The following ATP10D variants were observed in gnomAD, a reference collection of about 807,000 sequenced individuals.
ATP10D encodes phospholipid-transporting ATPase VD.
A neutral mutation model predicts 144.8 loss-of-function variants in ATP10D; 89 were observed. The ratio of observed to expected loss-of-function variants is 0.61; its 90% CI spans 0.52 to 0.73. The LOEUF (loss-of-function observed/expected upper bound fraction) is 0.73. ATP10D is among the 30% of genes least tolerant of loss of function. The pLI, the probability that ATP10D is intolerant of heterozygous loss-of-function variation, is 0.00. For synonymous variants in ATP10D, 571 were observed against 615.1 expected, an observed-to-expected ratio of 0.93 and a Z score of 1.06; for missense variants, 1,603 against 1,714.8, an observed-to-expected ratio of 0.93 and a Z score of 1.15.
chr4:47,540,372 G>A (rs1007073040), intron 9 of ATP10D, among the ~76,000 whole-genome samples: 2 of 152,140 alleles, frequency 1.3e-5, no homozygotes, highest in African/African-American at 2.4e-5. Flanking sequence ...TGTGTTCCAT[G>A]TACTGGCAGC....
In ATP10D at chr4:47,592,160, G is replaced by C. The variant is rs1031175338; in HGVS notation, c.*779G>C. 1.3e-5 allele frequency: 2 copies of C among 152,492 alleles called. No individual in the cohort carries two copies. The highest frequency in any genetic ancestry group is 2.9e-5 in the Non-Finnish European group (2 of 67,996). 9.4% of individuals were successfully genotyped at this position (152,492 alleles called of 1,614,324 possible). On this transcript the variant is annotated 3_prime_UTR_variant, in exon 23 of 23. Coordinates refer to ENST00000273859, the MANE Select transcript of ATP10D (RefSeq NM_020453.4). Reference sequence around the variant, plus strand: ...CCTCTGTATAGATGTTGTCAGTTAGGAAACTGAAGCCATAGGTCAGGCAGA... The same window carrying C: ...CCTCTGTATAGATGTTGTCAGTTAGCAAACTGAAGCCATAGGTCAGGCAGA...
intron 13 of ATP10D, among the ~76,000 whole-genome samples, chr4:47,559,454 G>A (rs1719174792): frequency 6.6e-6 from 1 of 152,056 alleles, no homozygotes; most frequent in Admixed American, 6.6e-5. Flanking sequence ...CTTTTCTTAT[G>A]TGCCCGTAAG....
intron 9 of ATP10D, among the ~76,000 whole-genome samples, chr4:47,541,736 GC>G (rs1466851636): frequency 2.6e-5 from 4 of 152,142 alleles, no homozygotes; most frequent in African/African-American, 9.7e-5. Flanking sequence ...GTAGACTCAT[GC>G]CCACTTCTTC....
At chr4:47,584,853 A>G (rs1720703378) in intron 21 of ATP10D, among the ~76,000 whole-genome samples, 1 of 152,214 alleles carries the variant, frequency 6.6e-6, no homozygotes, top group African/African-American at 2.4e-5. Flanking sequence ...ATTTTATTTA[A>G]AAATAAGCAG....
At chr4:47,581,175 C>T (rs1308286372) in intron 20 of ATP10D, among the ~76,000 whole-genome samples, 2 of 152,142 alleles carry the variant, frequency 1.3e-5, no homozygotes, top group Non-Finnish European at 2.9e-5. Context: ...TAAGTAATGT[C>T]TTTAAAACTA....
intron 1 of ATP10D, among the ~76,000 whole-genome samples, chr4:47,508,144 A>C (rs1716122344): frequency 6.6e-6 from 1 of 152,190 alleles, no homozygotes; most frequent in Non-Finnish European, 1.5e-5. Context: ...CAAGTGGAAT[A>C]CAGTTCGTTC....
At chr4:47,528,448 A>G (rs1383358547) in intron 5 of ATP10D, among the ~76,000 whole-genome samples, 4 of 147,058 alleles carry the variant, frequency 2.7e-5, no homozygotes, top group African/African-American at 1.0e-4. Context: ...ATAGCTGAAT[A>G]GTAGTCCATG....
chr4:47,524,915 G>A (rs965555871), intron 4 of ATP10D, among the ~76,000 whole-genome samples: 7 of 151,948 alleles, frequency 4.6e-5, no homozygotes, highest in African/African-American at 7.3e-5. Flanking sequence ...AATATCAATA[G>A]CATTTATCTT....
chr4:47,508,010 A>G (rs1362506104), intron 1 of ATP10D, among the ~76,000 whole-genome samples: 1 of 152,164 alleles, frequency 6.6e-6, no homozygotes, highest in Admixed American at 6.5e-5. Context: ...TACTAACTAA[A>G]TTACATATTC....
intron 9 of ATP10D, among the ~76,000 whole-genome samples, chr4:47,537,694 T>C (rs943849803): frequency 2.6e-5 from 4 of 152,174 alleles, no homozygotes; most frequent in Non-Finnish European, 5.9e-5. Context: ...CAATGTCTTA[T>C]GAAATTTTTC....
intron 4 of ATP10D, among the ~76,000 whole-genome samples, chr4:47,523,688 G>A (rs771132462): frequency 5.9e-5 from 9 of 152,154 alleles, no homozygotes; most frequent in Non-Finnish European, 1.3e-4. Flanking sequence ...TTAATTTACT[G>A]TGAGACTTTG....
At chr4:47,513,892 T>C (rs776657562) in intron 2 of ATP10D, among the ~76,000 whole-genome samples, 3 of 152,130 alleles carry the variant, frequency 2.0e-5, no homozygotes, top group Non-Finnish European at 2.9e-5. Context: ...ATTGTATATA[T>C]CCCAGTGAAT....
At chr4:47,572,829 T>G in intron 17 of ATP10D, 43 bp from the exon 18 acceptor site, 4 of 1,613,550 alleles carry the variant, frequency 2.5e-6, no homozygotes, top group Non-Finnish European at 3.4e-6. Context: ...TTCTAACATG[T>G]TTGATCACTC....
At chr4:47,566,093 A>G (rs1719626470) in intron 15 of ATP10D, among the ~76,000 whole-genome samples, 1 of 152,266 alleles carries the variant, frequency 6.6e-6, no homozygotes, top group African/African-American at 2.4e-5. Flanking sequence ...CATGGAGCCC[A>G]GTGTGTCACT....
intron 18 of ATP10D, among the ~76,000 whole-genome samples, chr4:47,576,302 A>G (rs1312203690): frequency 1.3e-5 from 2 of 152,178 alleles, no homozygotes; most frequent in Non-Finnish European, 2.9e-5. Context: ...CAGTGGGGAT[A>G]GTGCTCTGTG....
Position 47,563,845 on chromosome 4 carries a change from TAAA to T in ATP10D, c.2853+88_2853+90del. 5.1e-6 allele frequency: 6 copies of T among 1,182,728 alleles called. No homozygotes were observed. In the South Asian group the frequency reaches 1.3e-4, roughly 25 times the overall value. The allele number at this position is 1,182,728 out of a possible 1,614,324, so 73.3% of individuals were successfully genotyped here. ...TTTGAGATTTGATGTATGCAAGGAT[TAAA>T]AAAAAAACAAAACAGCAACCGTTAG... On this transcript the variant is annotated intron_variant, in intron 15 of 22. Transcript: ENST00000273859.
chr4:47,554,076 A>G (rs964324898), intron 10 of ATP10D, among the ~76,000 whole-genome samples: 12 of 152,260 alleles, frequency 7.9e-5, no homozygotes, highest in African/African-American at 2.7e-4. Context: ...ATTGTGTCAA[A>G]CAAAATGGAG....
At chr4:47,586,962 T>C in intron 21 of ATP10D, 57 bp from the exon 22 acceptor site, 2 of 1,513,360 alleles carry the variant, frequency 1.3e-6, no homozygotes, top group East Asian at 4.5e-5. Flanking sequence ...TTTGTCCGGG[T>C]GGCAATACTG....
chr4:47,509,225 G>A (rs1716183212), intron 1 of ATP10D, among the ~76,000 whole-genome samples: 2 of 107,642 alleles, frequency 1.9e-5, no homozygotes, highest in South Asian at 7.5e-4. Context: ...TTCAAACATT[G>A]AAAATATTAT....
Sources: gnomAD v4.1 joint callset for allele counts (sites outside exome capture counted in the v4.1 genomes callset) on GRCh38, gnomAD v4.1.1 for gene constraint, MANE v1.5 for transcripts, NCBI Gene and HGNC (gene_info 2026-07-23, HGNC 2026-07-21) for gene names.